Variants in ANO1 observed in about 807,000 individuals in gnomAD.
ANO1 encodes the protein anoctamin-1.
A neutral mutation model predicts 124.0 loss-of-function variants in ANO1; 59 were observed. That is an observed-to-expected ratio of 0.48 (90% confidence interval 0.39 to 0.59). The LOEUF is 0.59. ANO1 is among the 20% of genes least tolerant of loss of function. ANO1 has a pLI of 0.00. For missense variants in ANO1, 1,059 were observed against 1,328.0 expected, an observed-to-expected ratio of 0.80 and a Z score of 3.15; for synonymous variants, 529 against 532.0, an observed-to-expected ratio of 0.99 and a Z score of 0.08.
chr11:70,139,865 C>A (rs186038766), intron 11 of ANO1, among the ~76,000 whole-genome samples: 4 of 152,236 alleles, frequency 2.6e-5, no homozygotes, highest in Admixed American at 6.5e-5. Flanking sequence ...CCCTACTCCG[C>A]GGGCATTACT....
intron 7 of ANO1, among the ~76,000 whole-genome samples, chr11:70,113,554 T>C (rs2515243): frequency 0.97 from 147,941 of 151,876 alleles, 72,182 homozygotes; most frequent in East Asian, 1. Context: ...TCCGGCTGGG[T>C]GCCAGGAAGA....
At chr11:70,108,678 G>C (rs1413411515) in intron 6 of ANO1, among the ~76,000 whole-genome samples, 1 of 152,178 alleles carries the variant, frequency 6.6e-6, no homozygotes, top group Non-Finnish European at 1.5e-5. Context: ...GTAAATCCAG[G>C]CTGGAAACAG....
At chr11:69,971,102 G>A in the ANO1 span, among the ~76,000 whole-genome samples, 1 of 152,182 alleles carries the variant, frequency 6.6e-6, no homozygotes, top group East Asian at 1.9e-4. Flanking sequence ...TATTGGGGGT[G>A]GGGAGGAGAA....
rs1590861471 is a variant in ANO1, at chr11:70,149,538, C to A, written c.1259-172C>A. ...TGGTGGCGCATGCCTGTAATCCCAG[C>A]TACTCGGGAGGCTGAGGAAGGAGAA... On this transcript the variant is annotated intron_variant, in intron 11 of 25. Coordinates refer to ENST00000355303, the MANE Select transcript of ANO1 (RefSeq NM_018043.7). 2 of 610,576 alleles carry A rather than the reference C, an allele frequency of 3.3e-6. 1 individual carries two copies. Among genetic ancestry groups the A allele is most frequent in the East Asian group, 6.0e-5 (2 of 33,502 alleles). The allele number at this position is 610,576 out of a possible 1,614,324, so 37.8% of individuals were successfully genotyped here.
chr11:69,986,729 C>G lies in ANO1; in HGVS notation c.58+563C>G, dbSNP rs534176000. 8.0e-4 allele frequency among the ~76,000 whole-genome samples: 122 copies of G among 152,256 alleles called. No homozygotes were observed. The Middle Eastern group carries it at 0.01, about 13-fold the overall frequency. On this transcript the variant is annotated intron_variant, in intron 1 of 27. Transcript: ENST00000531349. ...AGGGGGAGTCCCTGACTTCCTCCCC[C>G]CTGGCTGCACATAAATCACCACCCA...
At chr11:70,118,969 G>T (rs183079903) in intron 8 of ANO1, among the ~76,000 whole-genome samples, 1 of 145,820 alleles carries the variant, frequency 6.9e-6, no homozygotes, top group South Asian at 2.2e-4. Context: ...TGGGTGAATG[G>T]GTAGATGGAT....
intron 11 of ANO1, among the ~76,000 whole-genome samples, chr11:70,144,926 C>T (rs867861551): frequency 1.3e-5 from 2 of 152,114 alleles, no homozygotes; most frequent in East Asian, 1.9e-4. Context: ...TGGAGGGGGC[C>T]GGGGCAGGAT....
chr11:70,097,651 C>A (rs369012318), intron 2 of ANO1, among the ~76,000 whole-genome samples: 23 of 152,180 alleles, frequency 1.5e-4, no homozygotes, highest in Non-Finnish European at 8.8e-5. Context: ...CCTGCCCCCT[C>A]GTCCATATTT....
intron 23 of ANO1, among the ~76,000 whole-genome samples, chr11:70,181,500 G>A (rs2048928135): frequency 6.6e-6 from 1 of 152,228 alleles, no homozygotes; most frequent in African/African-American, 2.4e-5. Flanking sequence ...AGGCGCGCAG[G>A]GCCCTGAGGC....
chr11:70,014,829 G>GTTTT (rs5792503), intron 1 of ANO1: 1 of 140,580 alleles, frequency 7.1e-6, no homozygotes. Flanking sequence ...TTTTGTTTTT[G>GTTTT]TTTTTTTTTT....
rs547149572 is a variant in ANO1, at chr11:70,085,457, G to A, written c.109-2295G>A. 1.0e-4 allele frequency: 154 copies of A among 1,535,540 alleles called. 2 individuals carry two copies. Among genetic ancestry groups the A allele is most frequent in the Admixed American group, 1.4e-4 (7 of 50,968 alleles). On this transcript the variant is annotated intron_variant, in intron 1 of 25. Transcript: ENST00000355303. ...TCCTCCTGAAGGTCACCAGCACAGC[G>A]GGGCCCTGTGTTACTGTAGAGAGAA...
At chr11:70,171,672 A>G (rs1010370544) in intron 22 of ANO1, among the ~76,000 whole-genome samples, 3 of 152,332 alleles carry the variant, frequency 2.0e-5, no homozygotes, top group Non-Finnish European at 2.9e-5. Context: ...AGGTCAGCGT[A>G]AAGAATAACT....
At chr11:70,111,824 C>T in intron 7 of ANO1, 62 bp downstream of exon 7, 2 of 1,548,580 alleles carry the variant, frequency 1.3e-6, no homozygotes, top group African/African-American at 2.7e-5. Flanking sequence ...CCCGCCGGGC[C>T]ACACCCCCCC....
At chr11:70,052,857 G>A (rs782806802) in intron 1 of ANO1, among the ~76,000 whole-genome samples, 37 of 152,126 alleles carry the variant, frequency 2.4e-4, no homozygotes, top group Admixed American at 8.5e-4. Context: ...CCAGTTTGGA[G>A]AGAATTAATG....
upstream of ANO1, chr11:69,985,875 C>A (rs1856029978): frequency 6.6e-6 from 1 of 152,306 alleles, no homozygotes; most frequent in South Asian, 2.1e-4. Flanking sequence ...GACCCCCAGA[C>A]CAAAAAGCCG....
At chr11:70,148,352 C>A (rs2047463208) in intron 11 of ANO1, among the ~76,000 whole-genome samples, 1 of 152,174 alleles carries the variant, frequency 6.6e-6, no homozygotes, top group Admixed American at 6.5e-5. Flanking sequence ...GATACTTCCT[C>A]ACTGATACTC....
intron 12 of ANO1, among the ~76,000 whole-genome samples, chr11:70,150,488 G>T (rs189565627): frequency 6.6e-6 from 1 of 152,156 alleles, no homozygotes; most frequent in Admixed American, 6.5e-5. Flanking sequence ...CCTCATGCAC[G>T]CGCTGTAAGG....
chr11:70,095,380 AAGAAAGAAAG>A (rs1306829051), intron 2 of ANO1, among the ~76,000 whole-genome samples: 2 of 34,472 alleles, frequency 5.8e-5, no homozygotes, highest in African/African-American at 1.6e-4. Flanking sequence ...GAAAGAAAGA[AAGAAAGAAAG>A]AAAGAAAGAA....
chr11:69,994,105 C>CG (rs1491403984), intron 1 of ANO1, among the ~76,000 whole-genome samples: 3 of 34,140 alleles, frequency 8.8e-5, no homozygotes, highest in Admixed American at 3.8e-4. Context: ...TGTCGTTAAC[C>CG]CCCCCCCACA....
Sources: gnomAD v4.1 joint callset for allele counts (sites outside exome capture counted in the v4.1 genomes callset) on GRCh38, gnomAD v4.1.1 for gene constraint, MANE v1.5 for transcripts, NCBI Gene and HGNC (gene_info 2026-07-23, HGNC 2026-07-21) for gene names.